Variants in TMCO5A observed in about 807,000 individuals in gnomAD.
TMCO5A encodes the protein transmembrane and coiled-coil domains 5A, also known as transmembrane and coiled-coil domain-containing protein 5A.
In TMCO5A, 34 loss-of-function variants were observed where a neutral mutation model predicts 42.3. The ratio of observed to expected loss-of-function variants is 0.80; its 90% CI spans 0.61 to 1.07. The LOEUF (loss-of-function observed/expected upper bound fraction) is 1.07. Among genes scored for constraint, TMCO5A ranks in the 50% least tolerant of loss-of-function variants. TMCO5A has a pLI of 0.00. For missense variants in TMCO5A, 357 were observed against 327.9 expected (o/e 1.09, Z -0.69); for synonymous variants, 131 against 115.6 (o/e 1.13, Z -0.86).
At chr15:38,037,872 G>T in the TMCO5A span, among the ~76,000 whole-genome samples, 1 of 151,942 alleles carries the variant, frequency 6.6e-6, no homozygotes, top group African/African-American at 2.4e-5. Context: ...AATTAGCCTG[G>T]CATGGTGGCA....
downstream of TMCO5A, among the ~76,000 whole-genome samples, chr15:37,953,185 C>A (rs1890203388): frequency 1.3e-5 from 2 of 152,150 alleles, no homozygotes; most frequent in African/African-American, 4.8e-5. Flanking sequence ...TTGCCACCTG[C>A]TGATTGTAGA....
At chr15:37,949,323 T>C (rs1890077772) in intron 11 of TMCO5A, among the ~76,000 whole-genome samples, 3 of 152,004 alleles carry the variant, frequency 2.0e-5, no homozygotes, top group Non-Finnish European at 4.4e-5. Flanking sequence ...CTCCAAATGG[T>C]TTTTCATGGA....
the TMCO5A span, among the ~76,000 whole-genome samples, chr15:38,011,812 G>A: frequency 6.6e-6 from 1 of 152,150 alleles, no homozygotes; most frequent in Non-Finnish European, 1.5e-5. Context: ...AAATATGTCT[G>A]TTATGTAGTT....
At chr15:38,034,889 G>A in the TMCO5A span, among the ~76,000 whole-genome samples, 4 of 152,206 alleles carry the variant, frequency 2.6e-5, no homozygotes, top group South Asian at 6.2e-4. Flanking sequence ...TGGGACAAAA[G>A]AACCTGCCCA....
chr15:37,984,388 G>T, the TMCO5A span, among the ~76,000 whole-genome samples: 3 of 152,162 alleles, frequency 2.0e-5, no homozygotes, highest in African/African-American at 7.2e-5. Context: ...GGTGGAAATG[G>T]AGAAGGGACT....
At chr15:37,943,123 G>C in intron 9 of TMCO5A, 1 of 405,348 alleles carries the variant, frequency 2.5e-6, no homozygotes, top group South Asian at 3.9e-5. Context: ...TAGTTAGTAG[G>C]TAAAACTAAC....
the TMCO5A span, among the ~76,000 whole-genome samples, chr15:37,974,576 G>T: frequency 6.6e-6 from 1 of 152,256 alleles, no homozygotes; most frequent in East Asian, 1.9e-4. Context: ...AGCGTTGTTT[G>T]TATTTCTGTG....
chr15:38,008,349 AGATAAAGTGT>A, the TMCO5A span, among the ~76,000 whole-genome samples: 4 of 152,164 alleles, frequency 2.6e-5, no homozygotes, highest in Admixed American at 2.6e-4. Context: ...GGAGCTAAAG[AGATAAAGTGT>A]GGTTGTCAAT....
chr15:37,946,246 C>T lies in TMCO5A; in HGVS notation c.628-1410C>T, dbSNP rs1255592144. Among the ~76,000 whole-genome samples, 8 of 152,030 alleles carry T rather than the reference C, an allele frequency of 5.3e-5. 1 individual carries two copies. Among genetic ancestry groups the T allele is most frequent in the South Asian group, 4.2e-4 (2 of 4,816 alleles). ...TGTGTCTGTTTTTGTACTAGTACCA[C>T]GCTGTTTTGGTTACTGTAGCCTTGT... On this transcript the variant is annotated intron_variant, in intron 10 of 11. Coordinates refer to ENST00000319669, the MANE Select transcript of TMCO5A (RefSeq NM_152453.4).
downstream of TMCO5A, among the ~76,000 whole-genome samples, chr15:37,951,841 G>A (rs1173405972): frequency 6.6e-6 from 1 of 152,052 alleles, no homozygotes; most frequent in East Asian, 1.9e-4. Flanking sequence ...ACTTCATATT[G>A]CTGAGACACG....
downstream of TMCO5A, among the ~76,000 whole-genome samples, chr15:37,955,498 AG>A (rs1016364445): frequency 9.2e-4 from 140 of 152,278 alleles, no homozygotes; most frequent in Non-Finnish European, 1.2e-3. Context: ...GAGACAAAGA[AG>A]GGCATCACAT....
At chr15:37,954,929 C>A (rs1485391798), downstream of TMCO5A, among the ~76,000 whole-genome samples, 1 of 151,260 alleles carries the variant, frequency 6.6e-6, no homozygotes, top group Admixed American at 6.6e-5. Flanking sequence ...ATGGTAATCT[C>A]AAAAAACATA....
At chr15:37,965,161 C>G (rs191270789) in intron 11 of TMCO5A, among the ~76,000 whole-genome samples, 2 of 151,892 alleles carry the variant, frequency 1.3e-5, no homozygotes, top group Non-Finnish European at 2.9e-5. Flanking sequence ...CAAACACGGC[C>G]GAAAGACAGT....
At chr15:37,958,407 C>A (rs1890344202) in intron 11 of TMCO5A, among the ~76,000 whole-genome samples, 2 of 151,164 alleles carry the variant, frequency 1.3e-5, no homozygotes, top group Non-Finnish European at 2.9e-5. Context: ...AACAAACAAA[C>A]AACTCCACCA....
At chr15:38,003,361 T>C in the TMCO5A span, among the ~76,000 whole-genome samples, 3 of 151,998 alleles carry the variant, frequency 2.0e-5, no homozygotes, top group Admixed American at 1.3e-4. Context: ...AGCACTGGGG[T>C]CTCACTCAAG....
At chr15:37,937,288 C>T in intron 4 of TMCO5A, 58 bp from the exon 5 acceptor site, 1 of 1,585,880 alleles carries the variant, frequency 6.3e-7, no homozygotes, top group Non-Finnish European at 8.7e-7. Flanking sequence ...CAGCAATCAA[C>T]TGAATAAGAA....
Position 37,936,452 on chromosome 15 carries a change from T to C in TMCO5A, c.129T>C (p.Asp43=), listed in dbSNP as rs561542032. ...TTCTCAAAATCCAAGAGAGGGAAGA[T>C]AAGATTCAGAGGTGAGTATTAAGGT... ...KLLLKIQERE[D]KIQRLESEII... The change falls in exon 3 of 12, where the codon GAT becomes GAC. Residue 43 remains aspartate (D), a synonymous_variant. Transcript: ENST00000319669. 8.7e-6 allele frequency: 14 copies of C among 1,612,484 alleles called. No homozygotes were observed. In the South Asian group the frequency reaches 9.9e-5, roughly 11 times the overall value.
At chr15:37,941,645 T>C (rs772925442) in intron 7 of TMCO5A, 26 bp from the exon 8 acceptor site, 1 of 1,557,438 alleles carries the variant, frequency 6.4e-7, no homozygotes, top group Non-Finnish European at 8.9e-7. Context: ...CCGAAATATA[T>C]TTACAACTAA....
intron 10 of TMCO5A, among the ~76,000 whole-genome samples, chr15:37,945,787 T>G (rs1889927481): frequency 2.0e-5 from 3 of 152,182 alleles, no homozygotes; most frequent in Admixed American, 1.3e-4. Context: ...GTCAGATGCA[T>G]AGTTTTCAAA....
Sources: allele counts gnomAD v4.1 joint callset (sites outside exome capture counted in the v4.1 genomes callset), GRCh38; gene constraint gnomAD v4.1.1; transcripts MANE v1.5; gene names NCBI Gene and HGNC (gene_info 2026-07-23, HGNC 2026-07-21).